SHB: variants seen among roughly 807,000 people sequenced by gnomAD.
The protein encoded by SHB is SH2 domain-containing adapter protein B.
A neutral mutation model predicts 52.3 loss-of-function variants in SHB; 20 were observed. That is an observed-to-expected ratio of 0.38 (90% CI 0.27 to 0.56). The LOEUF (loss-of-function observed/expected upper bound fraction) is 0.56. Ranked by LOEUF, SHB falls within the 20% of genes least tolerant of loss-of-function variation. The pLI, the probability that SHB is intolerant of heterozygous loss-of-function variation, is 0.71. For synonymous variants in SHB, 397 were observed against 316.5 expected (o/e 1.25, Z -2.70); for missense variants, 825 against 723.3 (o/e 1.14, Z -1.61).
intron 3 of SHB, among the ~76,000 whole-genome samples, chr9:37,964,309 G>A (rs1363724585): frequency 6.6e-6 from 1 of 152,200 alleles, no homozygotes; most frequent in African/African-American, 2.4e-5. Flanking sequence ...GACGCTGCCT[G>A]GGTTCCAGGA....
At chr9:38,054,692 TGA>T (rs1366197971) in intron 1 of SHB, among the ~76,000 whole-genome samples, 1 of 152,176 alleles carries the variant, frequency 6.6e-6, no homozygotes, top group Non-Finnish European at 1.5e-5. Flanking sequence ...GGTCCTTATA[TGA>T]GAGAAGCAAG....
chr9:37,926,614 G>A (rs1194152445), intron 5 of SHB, among the ~76,000 whole-genome samples: 4 of 152,310 alleles, frequency 2.6e-5, no homozygotes, highest in Admixed American at 1.3e-4. Context: ...GTGGGTGCCC[G>A]CCTGCCAGGC....
chr9:37,982,218 T>C (rs1820736314), intron 2 of SHB, among the ~76,000 whole-genome samples: 3 of 152,198 alleles, frequency 2.0e-5, no homozygotes, highest in Admixed American at 2.0e-4. Flanking sequence ...ATGGGCCAGA[T>C]GTGGTGGCTC....
intron 2 of SHB, among the ~76,000 whole-genome samples, chr9:37,999,198 A>T (rs1160264107): frequency 6.6e-6 from 1 of 150,548 alleles, no homozygotes; most frequent in Non-Finnish European, 1.5e-5. Flanking sequence ...TCTGAGCAGG[A>T]AAGTAACATG....
chr9:38,032,715 G>A (rs1046959396), intron 1 of SHB, among the ~76,000 whole-genome samples: 12 of 152,156 alleles, frequency 7.9e-5, no homozygotes, highest in Admixed American at 7.9e-4. Context: ...TCCTGCCTGG[G>A]GGATCCTACT....
At chr9:38,003,746 C>T (rs1821046761) in intron 2 of SHB, among the ~76,000 whole-genome samples, 1 of 152,258 alleles carries the variant, frequency 6.6e-6, no homozygotes, top group Non-Finnish European at 1.5e-5. Flanking sequence ...GAGCAGGCCA[C>T]TCAGTGGCTC....
In SHB at chr9:37,916,563, C is replaced by T. The variant is rs1416498492; in HGVS notation, c.*3258G>A. On this transcript the variant is annotated 3_prime_UTR_variant, in exon 6 of 6. Coordinates refer to ENST00000377707, the MANE Select transcript of SHB (RefSeq NM_003028.3). ...TTGCGGGTAGCTGCTTCAGGTTTCC[C>T]TCCTGCTCACTCTCAGGCCACAGAG... Among the ~76,000 whole-genome samples, 2 of 152,230 alleles carry T rather than the reference C, an allele frequency of 1.3e-5. No homozygotes were observed. Among genetic ancestry groups the T allele is most frequent in the African/African-American group, 4.8e-5 (2 of 41,462 alleles).
chr9:38,035,208 A>G (rs1369956542), intron 1 of SHB, among the ~76,000 whole-genome samples: 1 of 152,074 alleles, frequency 6.6e-6, no homozygotes, highest in Non-Finnish European at 1.5e-5. Flanking sequence ...AGAACCAACC[A>G]GTAGAAGTTC....
chr9:38,057,073 C>T (rs1231800049), intron 1 of SHB, among the ~76,000 whole-genome samples: 1 of 152,220 alleles, frequency 6.6e-6, no homozygotes, highest in Non-Finnish European at 1.5e-5. Context: ...CAACAATTCT[C>T]AGAATCAACC....
At chr9:38,051,442 A>T (rs1821748096) in intron 1 of SHB, among the ~76,000 whole-genome samples, 1 of 35,082 alleles carries the variant, frequency 2.9e-5, no homozygotes, top group Non-Finnish European at 8.3e-5. Flanking sequence ...ACTCCGTCTA[A>T]AAAAAAAAAA....
intron 1 of SHB, among the ~76,000 whole-genome samples, chr9:38,058,671 A>C (rs1821851617): frequency 6.6e-6 from 1 of 152,094 alleles, no homozygotes; most frequent in East Asian, 1.9e-4. Context: ...GAGTTCCGAC[A>C]TCCTCTGCCC....
chr9:38,058,381 G>C (rs1478624179), intron 1 of SHB, among the ~76,000 whole-genome samples: 3 of 152,174 alleles, frequency 2.0e-5, no homozygotes, highest in Non-Finnish European at 1.5e-5. Flanking sequence ...GTGGCTGCTC[G>C]GGGCCAAAAC....
rs1005943910 is a variant in SHB, at chr9:37,916,961, C to T, written c.*2860G>A. Among the ~76,000 whole-genome samples the T allele has an allele frequency of 4.3e-4, 65 of 151,556 alleles. No individual in the cohort carries two copies. The highest frequency in any genetic ancestry group is 1.3e-3 in the African/African-American group (53 of 41,318). ...CTCAGACAAAATGCCGAGGGCGCGA[C>T]GTTGTGTGGCAGGAGCTTTTCTTTT... On this transcript the variant is annotated 3_prime_UTR_variant, in exon 6 of 6. Transcript: ENST00000377707.
intron 2 of SHB, among the ~76,000 whole-genome samples, chr9:37,991,740 C>T (rs952000957): frequency 3.9e-5 from 6 of 152,200 alleles, no homozygotes; most frequent in African/African-American, 1.4e-4. Context: ...CAAAGTGATG[C>T]CCATCACCCA....
intron 2 of SHB, among the ~76,000 whole-genome samples, chr9:37,986,934 C>G (rs1296017201): frequency 1.3e-5 from 2 of 152,244 alleles, no homozygotes; most frequent in Non-Finnish European, 2.9e-5. Flanking sequence ...ACGCGATCTT[C>G]CAGTCTGCTG....
At chr9:38,003,731 C>T (rs1015898973) in intron 2 of SHB, among the ~76,000 whole-genome samples, 1 of 152,234 alleles carries the variant, frequency 6.6e-6, no homozygotes, top group Non-Finnish European at 1.5e-5. Context: ...CCTCAGTGCC[C>T]ACTGGAGCAG....
chr9:38,028,088 C>T (rs1821366786), intron 1 of SHB, among the ~76,000 whole-genome samples: 1 of 152,122 alleles, frequency 6.6e-6, no homozygotes, highest in Non-Finnish European at 1.5e-5. Flanking sequence ...CACAGGAGTC[C>T]CCAGAAGCCA....
intron 5 of SHB, among the ~76,000 whole-genome samples, chr9:37,923,517 T>C (rs1832208579): frequency 6.6e-6 from 1 of 152,208 alleles, no homozygotes; most frequent in Non-Finnish European, 1.5e-5. Context: ...GGTGACGCCT[T>C]GTCCACACAC....
intron 1 of SHB, among the ~76,000 whole-genome samples, chr9:38,036,249 C>T (rs1821485922): frequency 3.3e-5 from 5 of 152,216 alleles, no homozygotes; most frequent in South Asian, 4.1e-4. Context: ...GCACTGCCCT[C>T]TCTCCAGACC....
Sources: allele counts gnomAD v4.1 joint callset (sites outside exome capture counted in the v4.1 genomes callset), GRCh38; gene constraint gnomAD v4.1.1; transcripts MANE v1.5; gene names NCBI Gene and HGNC (gene_info 2026-07-23, HGNC 2026-07-21).